The following DGLUCY variants were observed in gnomAD, a reference collection of about 807,000 sequenced individuals.
DGLUCY encodes D-glutamate cyclase, mitochondrial.
DGLUCY carries 58 observed loss-of-function variants against 58.5 expected under a neutral mutation model. That is an observed-to-expected ratio of 0.99 (90% CI 0.80 to 1.23). The LOEUF (loss-of-function observed/expected upper bound fraction) is 1.23. Ranked by LOEUF, DGLUCY falls within the 50% of genes most tolerant of loss-of-function variation. DGLUCY has a pLI of 0.00. For missense variants in DGLUCY, 779 were observed against 784.7 expected (o/e 0.99, Z 0.09); for synonymous variants, 325 against 314.1 (o/e 1.03, Z -0.37).
intron 1 of DGLUCY, among the ~76,000 whole-genome samples, chr14:91,100,304 A>T (rs2044465038): frequency 6.6e-6 from 1 of 152,116 alleles, no homozygotes; most frequent in Admixed American, 6.6e-5. Context: ...TGTTCAGAAG[A>T]GGAGGAAGAG....
At chr14:91,173,115 C>CCAGTA (rs2048663821) in intron 5 of DGLUCY, among the ~76,000 whole-genome samples, 174 bp from the exon 6 acceptor site, 1 of 152,124 alleles carries the variant, frequency 6.6e-6, no homozygotes, top group East Asian at 1.9e-4. Flanking sequence ...CTATTTTAAA[C>CCAGTA]CAGTAATTAA....
intron 12 of DGLUCY, among the ~76,000 whole-genome samples, chr14:91,209,313 T>G (rs1885284654): frequency 6.6e-6 from 1 of 151,850 alleles, no homozygotes; most frequent in South Asian, 2.1e-4. Context: ...AAAAATGGAA[T>G]AAAGAACAAA....
chr14:91,204,565 A>G, intron 11 of DGLUCY, 141 bp from the exon 12 acceptor site: 1 of 1,167,178 alleles, frequency 8.6e-7, no homozygotes, highest in South Asian at 1.6e-5. Flanking sequence ...AAGTACCACA[A>G]CTCCTGGTTG....
intron 10 of DGLUCY, among the ~76,000 whole-genome samples, chr14:91,199,546 C>T (rs1012113207): frequency 2.6e-5 from 4 of 152,156 alleles, no homozygotes; most frequent in African/African-American, 9.7e-5. Context: ...AACCACCATG[C>T]CCAGCCCCAA....
chr14:91,166,650 G>T (rs1410018018), intron 3 of DGLUCY, among the ~76,000 whole-genome samples: 2 of 150,942 alleles, frequency 1.3e-5, no homozygotes, highest in Non-Finnish European at 3.0e-5. Flanking sequence ...GGGTGACAAA[G>T]CGAGACTCTG....
chr14:91,130,141 T>G (rs2045948102), intron 1 of DGLUCY, among the ~76,000 whole-genome samples: 1 of 152,176 alleles, frequency 6.6e-6, no homozygotes, highest in Non-Finnish European at 1.5e-5. Flanking sequence ...CCTAAAGTGG[T>G]TTATAACAAT....
chr14:91,118,625 G>A (rs984607478), intron 1 of DGLUCY, among the ~76,000 whole-genome samples: 3 of 152,106 alleles, frequency 2.0e-5, no homozygotes, highest in Non-Finnish European at 4.4e-5. Flanking sequence ...TAAGATCTCT[G>A]TTTTAATGTT....
At chr14:91,110,180 ATAT>A (rs1197194833), upstream of DGLUCY, among the ~76,000 whole-genome samples, 2 of 152,218 alleles carry the variant, frequency 1.3e-5, no homozygotes, top group African/African-American at 4.8e-5. Flanking sequence ...GAATATTGTA[ATAT>A]TTCTCTTCCT....
At chr14:91,062,714 A>G (rs1337726133) in intron 1 of DGLUCY, among the ~76,000 whole-genome samples, 1 of 151,230 alleles carries the variant, frequency 6.6e-6, no homozygotes, top group Non-Finnish European at 1.5e-5. Context: ...GTGAAAGACA[A>G]AACACAGAAG....
chr14:91,183,833 G>A (rs1457502676), intron 8 of DGLUCY, among the ~76,000 whole-genome samples: 2 of 152,114 alleles, frequency 1.3e-5, no homozygotes, highest in African/African-American at 2.4e-5. Flanking sequence ...CAATGGAAAC[G>A]GTAAGTCACA....
intron 1 of DGLUCY, among the ~76,000 whole-genome samples, chr14:91,091,457 G>A (rs1354880035): frequency 6.6e-6 from 1 of 152,144 alleles, no homozygotes; most frequent in Non-Finnish European, 1.5e-5. Context: ...GGGTGGCAGA[G>A]GTTGCAGTGA....
At chr14:91,121,069 A>G (rs2045330057) in intron 1 of DGLUCY, among the ~76,000 whole-genome samples, 1 of 152,054 alleles carries the variant, frequency 6.6e-6, no homozygotes, top group South Asian at 2.1e-4. Flanking sequence ...AGGTGTGCCA[A>G]CCACTCACAC....
rs71944291 is a variant in DGLUCY at position 91,122,603 on chromosome 14, T to TTTTG, written c.-82+8323_-82+8324insGTTT. 2.4e-3 allele frequency among the ~76,000 whole-genome samples: 18 copies of TTTTG among 7,642 alleles called. No homozygotes were observed. The East Asian group carries it at 0.1, about 42-fold the overall frequency. 5.0% of individuals were successfully genotyped at this position (7,642 alleles called of 152,430 possible). ...TTTTAACTATAATAAAAGAAAAAAGTTTTTTTTTTTTTTTTTTGAGATAGA... is the reference window on the plus strand; with the variant it reads ...TTTTAACTATAATAAAAGAAAAAAGTTTTGTTTTTTTTTTTTTTTTTGAGATAGA... On this transcript the variant is annotated intron_variant, in intron 1 of 13. Transcript: ENST00000256324.
chr14:91,221,064 T>C (rs973549043), intron 13 of DGLUCY, among the ~76,000 whole-genome samples: 1 of 152,220 alleles, frequency 6.6e-6, no homozygotes, highest in African/African-American at 2.4e-5. Flanking sequence ...AAGTGGAGGC[T>C]GGAGGGAGCT....
chr14:91,133,469 C>T (rs1000132106), intron 1 of DGLUCY, among the ~76,000 whole-genome samples: 4 of 152,038 alleles, frequency 2.6e-5, no homozygotes, highest in Non-Finnish European at 2.9e-5. Context: ...AATATCTGTT[C>T]GAATCTCTGC....
At chr14:91,082,780 G>C (rs1260365984) in intron 1 of DGLUCY, among the ~76,000 whole-genome samples, 2 of 152,056 alleles carry the variant, frequency 1.3e-5, no homozygotes, top group East Asian at 3.8e-4. Context: ...TTGAGACAAG[G>C]CCTTGCTCTG....
At chr14:91,128,027 A>T (rs1190088722) in intron 1 of DGLUCY, among the ~76,000 whole-genome samples, 1 of 151,344 alleles carries the variant, frequency 6.6e-6, no homozygotes, top group Non-Finnish European at 1.5e-5. Flanking sequence ...GCACCACTTG[A>T]GAGGTGTTGC....
chr14:91,061,861 G>A (rs370133819), intron 1 of DGLUCY, among the ~76,000 whole-genome samples: 4 of 152,268 alleles, frequency 2.6e-5, no homozygotes, highest in South Asian at 4.1e-4. Context: ...AGAGATAGCA[G>A]GGCAGGAATC....
intron 1 of DGLUCY, among the ~76,000 whole-genome samples, chr14:91,144,369 G>A (rs1595749873): frequency 1.3e-5 from 2 of 152,160 alleles, no homozygotes; most frequent in East Asian, 3.8e-4. Flanking sequence ...AGACCGGCCT[G>A]ACCAATATGG....
Sources: allele counts gnomAD v4.1 joint callset (sites outside exome capture counted in the v4.1 genomes callset), GRCh38; gene constraint gnomAD v4.1.1; transcripts MANE v1.5; gene names NCBI Gene and HGNC (gene_info 2026-07-23, HGNC 2026-07-21).